ZNF831: variants seen among roughly 807,000 people sequenced by gnomAD.
The protein encoded by ZNF831 is chromosome 20 open reading frame 174.
In ZNF831, 59 loss-of-function variants were observed where a neutral mutation model predicts 95.8. That is an observed-to-expected ratio of 0.62 (90% confidence interval 0.50 to 0.77). The LOEUF is 0.77. ZNF831 is among the 30% of genes least tolerant of loss of function. The pLI is 0.00. For synonymous variants in ZNF831, 961 were observed against 925.5 expected, an observed-to-expected ratio of 1.04 and a Z score of -0.70; for missense variants, 2,205 against 2,164.0, an observed-to-expected ratio of 1.02 and a Z score of -0.38.
chr20:59,172,386 C>G (rs773768978), intron 1 of ZNF831, among the ~76,000 whole-genome samples: 3 of 152,192 alleles, frequency 2.0e-5, no homozygotes, highest in South Asian at 2.1e-4. Flanking sequence ...AATGAGGGAG[C>G]CTGTCTCAAT....
At chr20:59,168,589 T>C (rs1981481683) in intron 1 of ZNF831, among the ~76,000 whole-genome samples, 1 of 152,086 alleles carries the variant, frequency 6.6e-6, no homozygotes, top group Admixed American at 6.6e-5. Context: ...TGTATTTCTT[T>C]CTTGCTTTAT....
At chr20:59,226,585 A>G (rs896334156) in intron 4 of ZNF831, among the ~76,000 whole-genome samples, 2 of 151,540 alleles carry the variant, frequency 1.3e-5, no homozygotes, top group African/African-American at 4.9e-5. Context: ...AAGACTGAAA[A>G]TTTTGGGGCC....
rs2146573040 is a variant in ZNF831, at chr20:59,192,850, A to G, written c.1831A>G (p.Arg611Gly). ...RAGGRKCGQR[R>G]LKMFSQEKWQ... is the part of the protein sequence containing the mutation. ...GGGCGGCAGGAAGTGCGGCCAGAGAAGGCTGAAGATGTTCTCCCAGGAGAA... is the reference window on the plus strand; with the variant it reads ...GGGCGGCAGGAAGTGCGGCCAGAGAGGGCTGAAGATGTTCTCCCAGGAGAA... The change falls in exon 2 of 6, where the codon AGG (arginine) becomes GGG (glycine). Residue 611 changes from arginine (R) to glycine (G), a missense_variant. Physicochemically the swap from Arg to Gly is moderately radical, Grantham distance 125. Transcript: ENST00000371030. This position sits in a 1 kb window ranked among gnomAD's most constrained non-coding sequence, Gnocchi z 5.2. 1 of 1,604,236 alleles carries G rather than the reference A, an allele frequency of 6.2e-7. No individual in the cohort carries two copies. The highest frequency in any genetic ancestry group is 8.5e-7 in the Non-Finnish European group (1 of 1,175,474).
At chr20:59,176,944 T>C (rs1337996626) in intron 1 of ZNF831, among the ~76,000 whole-genome samples, 1 of 152,240 alleles carries the variant, frequency 6.6e-6, no homozygotes, top group African/African-American at 2.4e-5. Flanking sequence ...TTTTATTTTG[T>C]GTTCTAAGCC....
rs1357862597 is a variant in ZNF831 at position 59,169,506 on chromosome 20, C to G, written c.-37+5299C>G. 1.3e-5 allele frequency among the ~76,000 whole-genome samples: 2 copies of G among 152,202 alleles called. No individual in the cohort carries two copies. Among genetic ancestry groups the G allele is most frequent in the Non-Finnish European group, 1.5e-5 (1 of 68,040 alleles). ...TTAGGCTGGGCACAGTGGCTCATGC[C>G]TATAATCCCAGCACTTTGGGAGGCT... On this transcript the variant is annotated intron_variant, in intron 1 of 5. Transcript: ENST00000371030. This position sits in a 1 kb window ranked among gnomAD's most constrained non-coding sequence, Gnocchi z 4.1.
chr20:59,146,323 T>C (rs1979858876), exon 2 of ZNF831: 1 of 151,948 alleles, frequency 6.6e-6, no homozygotes. Context: ...GAGCCACCGG[T>C]TTTCGGGAGA....
intron 4 of ZNF831, among the ~76,000 whole-genome samples, chr20:59,233,041 C>CAG (rs1476775116): frequency 5.2e-5 from 7 of 135,394 alleles, no homozygotes; most frequent in East Asian, 2.2e-4. Flanking sequence ...CACACACACA[C>CAG]ACATAGAGAG....
rs943410849 is a variant in ZNF831 at position 59,194,435 on chromosome 20, G to A, written c.3416G>A (p.Arg1139Gln). Residue 1139 changes from arginine to glutamine, a missense_variant, in exon 2 of 6, where the codon CGG becomes CAG. Transcript: ENST00000371030. ...GGCTCCTTCCTCACTGCCCTCACTC[G>A]GCCTCAGGGTGTGCCCCCAGGCTGG... ...QPGSFLTALT[R>Q]PQGVPPGWPE... 6.2e-6 allele frequency: 10 copies of A among 1,612,410 alleles called. No individual in the cohort carries two copies. The East Asian group carries it at 6.7e-5, about 11-fold the overall frequency.
At chr20:59,201,757 C>T (rs1012134248) in intron 3 of ZNF831, among the ~76,000 whole-genome samples, 1 of 152,130 alleles carries the variant, frequency 6.6e-6, no homozygotes, top group African/African-American at 2.4e-5. Context: ...ACCACACTGA[C>T]TTGATTACGC....
intron 3 of ZNF831, among the ~76,000 whole-genome samples, chr20:59,205,175 G>A (rs1984802317): frequency 6.6e-6 from 1 of 152,088 alleles, no homozygotes; most frequent in Non-Finnish European, 1.5e-5. Context: ...ACTGACTTGC[G>A]CAAAGGTGAC....
Position 59,194,251 on chromosome 20 carries a change from C to T in ZNF831, c.3232C>T (p.Leu1078Phe), listed in dbSNP as rs1983886352. 6.2e-7 allele frequency: 1 copy of T among 1,614,028 alleles called. No individual in the cohort carries two copies. Among genetic ancestry groups the T allele is most frequent in the African/African-American group, 1.3e-5 (1 of 75,070 alleles). Residue 1078 changes from leucine to phenylalanine, a missense_variant, in exon 2 of 6, where the codon CTC becomes TTC. Coordinates refer to ENST00000371030, the MANE Select transcript of ZNF831 (RefSeq NM_178457.3). ...GGGTGACAGCCACCGTATCCATCGCCTCTGCATGGGCAGCACTTTGGCAAG... is the reference window on the plus strand; with the variant it reads ...GGGTGACAGCCACCGTATCCATCGCTTCTGCATGGGCAGCACTTTGGCAAG... ...MEGDSHRIHRLCMGSTLARAR... is the reference protein window; with the variant it reads ...MEGDSHRIHRFCMGSTLARAR...
intron 1 of ZNF831, among the ~76,000 whole-genome samples, chr20:59,143,973 A>C (rs1979760287): frequency 6.6e-6 from 1 of 152,236 alleles, no homozygotes; most frequent in South Asian, 2.1e-4. Flanking sequence ...TTATCCGCTG[A>C]GTGCTCGCAA....
chr20:59,162,594 G>C (rs1338867944), upstream of ZNF831, among the ~76,000 whole-genome samples: 1 of 152,112 alleles, frequency 6.6e-6, no homozygotes, highest in African/African-American at 2.4e-5. Flanking sequence ...TTGAAAATCA[G>C]TTGGTTTTAG....
intron 2 of ZNF831, among the ~76,000 whole-genome samples, chr20:59,150,286 C>G (rs190262772): frequency 2.0e-5 from 3 of 152,056 alleles, no homozygotes; most frequent in Non-Finnish European, 4.4e-5. Context: ...AAACAGAGAC[C>G]GTGTTCCTTT....
chr20:59,205,634 C>T (rs1427862192), intron 3 of ZNF831, among the ~76,000 whole-genome samples: 2 of 152,186 alleles, frequency 1.3e-5, no homozygotes, highest in Non-Finnish European at 2.9e-5. Flanking sequence ...GCGGCTGGAT[C>T]TTGGCGGTGG....
chr20:59,145,218 G>T (rs1308060110), intron 1 of ZNF831, among the ~76,000 whole-genome samples: 1 of 152,154 alleles, frequency 6.6e-6, no homozygotes, highest in Non-Finnish European at 1.5e-5. Context: ...TATCCTTTCT[G>T]GCCCAATCTT....
chr20:59,206,771 A>G, intron 3 of ZNF831, 134 bp from the exon 4 acceptor site: 1 of 888,724 alleles, frequency 1.1e-6, no homozygotes, highest in South Asian at 1.6e-5. Context: ...AGGGATCAGG[A>G]GTTGCTCAGA....
intron 1 of ZNF831, among the ~76,000 whole-genome samples, chr20:59,189,419 G>C (rs1206316907): frequency 1.3e-5 from 2 of 152,144 alleles, no homozygotes; most frequent in Non-Finnish European, 2.9e-5. Flanking sequence ...CGCAATTTTT[G>C]AAAATTTAAC....
chr20:59,241,994 A>G (rs971680022), intron 4 of ZNF831, among the ~76,000 whole-genome samples: 4 of 152,172 alleles, frequency 2.6e-5, no homozygotes, highest in Non-Finnish European at 5.9e-5. Flanking sequence ...ATTAAGTTTT[A>G]CTCGTCTGAA....
Sources: gnomAD v4.1 joint callset for allele counts (sites outside exome capture counted in the v4.1 genomes callset) on GRCh38, gnomAD v4.1.1 for gene constraint, Gnocchi (gnomAD v3.1) non-coding constraint, MANE v1.5 for transcripts, NCBI Gene and HGNC (gene_info 2026-07-23, HGNC 2026-07-21) for gene names.